ADK: variants seen among roughly 807,000 people sequenced by gnomAD.
ADK encodes N6,N6-dimethyladenosine kinase.
In ADK, 24 loss-of-function variants were observed where a neutral mutation model predicts 44.7. The ratio of observed to expected loss-of-function variants is 0.54; its 90% CI spans 0.39 to 0.76. The LOEUF is 0.76. Among genes scored for constraint, ADK ranks in the 30% least tolerant of loss-of-function variants. The pLI, the probability that ADK is intolerant of heterozygous loss-of-function variation, is 0.00. For missense variants in ADK, 321 were observed against 425.1 expected (o/e 0.76, Z 2.15); for synonymous variants, 128 against 142.6 (o/e 0.90, Z 0.73).
intron 9 of ADK, among the ~76,000 whole-genome samples, chr10:74,662,829 A>G (rs768326196): frequency 6.6e-6 from 1 of 152,050 alleles, no homozygotes; most frequent in Admixed American, 6.6e-5. Context: ...TCTCAACTCA[A>G]ATATCACCTC....
chr10:74,589,096 CT>C (rs1160638466), intron 7 of ADK, among the ~76,000 whole-genome samples, 185 bp from the exon 8 acceptor site: 1 of 151,786 alleles, frequency 6.6e-6, no homozygotes, highest in Non-Finnish European at 1.5e-5. Flanking sequence ...ATTAGGCTGC[CT>C]TTTTTTATTA....
chr10:74,537,607 T>A (rs763902817), intron 7 of ADK, among the ~76,000 whole-genome samples: 1 of 152,220 alleles, frequency 6.6e-6, no homozygotes, highest in Non-Finnish European at 1.5e-5. Flanking sequence ...TTTTTTAAAT[T>A]ATGTCATTTT....
At chr10:74,500,769 T>A (rs1847861865) in intron 6 of ADK, among the ~76,000 whole-genome samples, 1 of 152,234 alleles carries the variant, frequency 6.6e-6, no homozygotes, top group African/African-American at 2.4e-5. Context: ...TGTCAAGGGC[T>A]ATCTATCCCT....
At chr10:74,672,244 A>T (rs931358107) in intron 10 of ADK, among the ~76,000 whole-genome samples, 1 of 152,208 alleles carries the variant, frequency 6.6e-6, no homozygotes, top group Non-Finnish European at 1.5e-5. Flanking sequence ...TTTGCAAGTC[A>T]TATACAGGCT....
At chr10:74,602,921 G>A (rs568244495) in intron 9 of ADK, among the ~76,000 whole-genome samples, 2 of 152,092 alleles carry the variant, frequency 1.3e-5, no homozygotes, top group African/African-American at 2.4e-5. Flanking sequence ...CCTCTAATAC[G>A]GCTTGATCTT....
At chr10:74,384,470 G>C (rs2132016175) in intron 4 of ADK, among the ~76,000 whole-genome samples, 1 of 152,278 alleles carries the variant, frequency 6.6e-6, no homozygotes, top group African/African-American at 2.4e-5. Flanking sequence ...AGGAGTTCAA[G>C]ACCAGCCTGG....
intron 6 of ADK, among the ~76,000 whole-genome samples, chr10:74,459,588 G>T (rs1001118822): frequency 1.3e-5 from 2 of 151,736 alleles, no homozygotes; most frequent in African/African-American, 4.8e-5. Context: ...AATTACCTGG[G>T]CGTGGTAGCA....
intron 2 of ADK, among the ~76,000 whole-genome samples, chr10:74,206,073 T>C (rs1843585957): frequency 6.6e-6 from 1 of 152,218 alleles, no homozygotes; most frequent in Non-Finnish European, 1.5e-5. Context: ...GTGTGAGATA[T>C]TTTGTTCAGG....
intron 7 of ADK, among the ~76,000 whole-genome samples, chr10:74,554,503 A>G (rs1259753264): frequency 1.3e-5 from 2 of 152,234 alleles, no homozygotes; most frequent in Non-Finnish European, 2.9e-5. Context: ...TTTCTAAATT[A>G]GAAAGGTATT....
rs146030500 is a variant in ADK, at chr10:74,298,467, A to T, written c.195-16200A>T. Reference sequence around the variant, plus strand: ...CATAGTTGCTTTAAGAATTGAGGACATTAGGCTCGTTGCAGTGGCTCACAC... The same window carrying T: ...CATAGTTGCTTTAAGAATTGAGGACTTTAGGCTCGTTGCAGTGGCTCACAC... On this transcript the variant is annotated intron_variant, in intron 3 of 10. Coordinates refer to ENST00000539909, the MANE Select transcript of ADK (RefSeq NM_006721.4). Among the ~76,000 whole-genome samples the T allele has an allele frequency of 5.1e-3, 780 of 152,282 alleles. 3 individuals carry two copies. Among genetic ancestry groups the T allele is most frequent in the Non-Finnish European group, 8.3e-3 (564 of 68,008 alleles).
intron 1 of ADK, among the ~76,000 whole-genome samples, chr10:74,162,991 T>G (rs1591794466): frequency 6.6e-6 from 1 of 151,090 alleles, no homozygotes; most frequent in Non-Finnish European, 1.5e-5. Flanking sequence ...TTTTTTGAGA[T>G]GAGTCTTGCT....
intron 1 of ADK, among the ~76,000 whole-genome samples, chr10:74,180,718 A>G (rs1268106100): frequency 6.6e-6 from 1 of 152,148 alleles, no homozygotes. Context: ...TCAGCCTCCC[A>G]AAGTACTGGG....
Position 74,359,551 on chromosome 10 carries a change from A to AT in ADK, c.274-34583dup, listed in dbSNP as rs750159194. On this transcript the variant is annotated intron_variant, in intron 4 of 10. Coordinates refer to ENST00000539909, the MANE Select transcript of ADK (RefSeq NM_006721.4). ...GGCGTGACCGTCCCTACAAAAAAATATTTTTTTAATTAGCTAGGCATGGTA... is the reference window on the plus strand; with the variant it reads ...GGCGTGACCGTCCCTACAAAAAAATATTTTTTTTAATTAGCTAGGCATGGTA... 3.7e-4 allele frequency among the ~76,000 whole-genome samples: 57 copies of AT among 152,100 alleles called. No individual in the cohort carries two copies. In the East Asian group the frequency reaches 0.011, roughly 29 times the overall value.
intron 3 of ADK, among the ~76,000 whole-genome samples, chr10:74,290,412 G>T (rs2132477509): frequency 6.6e-6 from 1 of 152,122 alleles, no homozygotes; most frequent in African/African-American, 2.4e-5. Context: ...TATTTACTAA[G>T]TATTTCCCTA....
intron 9 of ADK, among the ~76,000 whole-genome samples, chr10:74,601,738 A>T (rs1852127951): frequency 6.6e-6 from 1 of 151,864 alleles, no homozygotes; most frequent in Non-Finnish European, 1.5e-5. Context: ...AGAGATGTTG[A>T]GTGGCTTTCC....
rs545461438 is a variant in ADK, at chr10:74,662,686, A to T, written c.878-7497A>T. Among the ~76,000 whole-genome samples the T allele has an allele frequency of 2.6e-5, 4 of 152,324 alleles. No homozygotes were observed. In the South Asian group the frequency reaches 8.3e-4, roughly 32 times the overall value. On this transcript the variant is annotated intron_variant, in intron 9 of 10. Transcript: ENST00000539909. ...ATCCTGCAAAACCCCCACATTCAGT[A>T]TACTCCAGGTACAGTGGCCTTCTTT...
chr10:74,488,126 A>G (rs1464519802), intron 6 of ADK, among the ~76,000 whole-genome samples: 1 of 151,996 alleles, frequency 6.6e-6, no homozygotes, highest in Non-Finnish European at 1.5e-5. Flanking sequence ...CTACAAGACA[A>G]CGGCCTGGAC....
At chr10:74,364,396 T>C (rs1043415863) in intron 4 of ADK, among the ~76,000 whole-genome samples, 3 of 152,206 alleles carry the variant, frequency 2.0e-5, no homozygotes, top group African/African-American at 7.2e-5. Flanking sequence ...ATTCAGCTGC[T>C]CTCACCACGT....
intron 6 of ADK, among the ~76,000 whole-genome samples, chr10:74,523,750 A>G (rs966853369): frequency 6.6e-6 from 1 of 152,196 alleles, no homozygotes; most frequent in Non-Finnish European, 1.5e-5. Context: ...CAAAAATCTC[A>G]ATCATCTTTT....
Sources: gnomAD v4.1 joint callset for allele counts (sites outside exome capture counted in the v4.1 genomes callset) on GRCh38, gnomAD v4.1.1 for gene constraint, MANE v1.5 for transcripts, NCBI Gene and HGNC (gene_info 2026-07-23, HGNC 2026-07-21) for gene names.